The following APBB2 variants were observed in gnomAD, a reference collection of about 807,000 sequenced individuals.
The protein encoded by APBB2 is Fe65-like 1.
A neutral mutation model predicts 82.5 loss-of-function variants in APBB2; 38 were observed. The observed-to-expected ratio is 0.46, with a 90% CI of 0.36 to 0.60. APBB2 has a LOEUF of 0.60. APBB2 is among the 20% of genes least tolerant of loss of function. APBB2 has a pLI of 0.00. For synonymous variants in APBB2, 341 were observed against 368.2 expected (o/e 0.93, Z 0.85); for missense variants, 772 against 972.3 (o/e 0.79, Z 2.74).
chr4:41,078,586 T>A (rs1228398962), intron 3 of APBB2, among the ~76,000 whole-genome samples: 1 of 152,232 alleles, frequency 6.6e-6, no homozygotes, highest in Admixed American at 6.5e-5. Flanking sequence ...AGAGGTCAAA[T>A]ATGCCTAAAT....
rs371607683 is a variant in APBB2, at chr4:40,960,446, G to GTTTTTTTTTTTTTTTTTTTTTTTTTTT, written c.836-15374_836-15373insAAAAAAAAAAAAAAAAAAAAAAAAAAA. On this transcript the variant is annotated intron_variant, in intron 6 of 17. Transcript: ENST00000508593. Reference sequence around the variant, plus strand: ...CATCAAAAACAGAAATTTTTTTTCGGGTTTTTTTTTTTTTTTTTTGAGACG... The same window carrying GTTTTTTTTTTTTTTTTTTTTTTTTTTT: ...CATCAAAAACAGAAATTTTTTTTCGGTTTTTTTTTTTTTTTTTTTTTTTTTTTGTTTTTTTTTTTTTTTTTTGAGACG... 1.7e-5 allele frequency among the ~76,000 whole-genome samples: 2 copies of GTTTTTTTTTTTTTTTTTTTTTTTTTTT among 120,544 alleles called. 1 individual carries two copies. 79.1% of individuals were successfully genotyped at this position (120,544 alleles called of 152,430 possible).
chr4:41,104,625 C>T (rs1399793065), intron 2 of APBB2, among the ~76,000 whole-genome samples: 1 of 152,136 alleles, frequency 6.6e-6, no homozygotes, highest in African/African-American at 2.4e-5. Flanking sequence ...TTGCAATCCT[C>T]ACCCTCCTCC....
chr4:40,825,838 G>T, intron 15 of APBB2, 49 bp downstream of exon 15: 1 of 1,514,658 alleles, frequency 6.6e-7, no homozygotes, highest in South Asian at 1.1e-5. Flanking sequence ...CGCCTCCTGT[G>T]AGCTCCCGCA....
intron 5 of APBB2, among the ~76,000 whole-genome samples, chr4:41,029,913 T>C (rs1716022335): frequency 6.6e-6 from 1 of 151,932 alleles, no homozygotes. Context: ...TCCTAGCACT[T>C]TGGGAGGCTG....
At chr4:40,917,820 A>G (rs1297428247) in intron 10 of APBB2, among the ~76,000 whole-genome samples, 1 of 152,230 alleles carries the variant, frequency 6.6e-6, no homozygotes, top group Non-Finnish European at 1.5e-5. Flanking sequence ...AAGAGATGTT[A>G]AAACAAGGAA....
intron 12 of APBB2, among the ~76,000 whole-genome samples, chr4:40,882,297 C>T (rs369046278): frequency 3.2e-4 from 49 of 152,274 alleles, no homozygotes; most frequent in East Asian, 1.5e-3. Context: ...AACATAGAAG[C>T]TTCACGGAGG....
At chr4:41,129,890 T>A (rs996136854) in intron 2 of APBB2, among the ~76,000 whole-genome samples, 2 of 152,090 alleles carry the variant, frequency 1.3e-5, no homozygotes, top group African/African-American at 4.8e-5. Context: ...TATGCAGGTA[T>A]GTTAGAAGGG....
Position 40,847,521 on chromosome 4 carries a change from G to A in APBB2, c.1530-16944C>T, listed in dbSNP as rs184028921. 5.0e-3 allele frequency among the ~76,000 whole-genome samples: 766 copies of A among 152,272 alleles called. 2 individuals are homozygous for A. The highest frequency in any genetic ancestry group is 8.2e-3 in the Non-Finnish European group (556 of 68,014). On this transcript the variant is annotated intron_variant, in intron 12 of 17. Coordinates refer to ENST00000508593, the MANE Select transcript of APBB2 (RefSeq NM_004307.2). ...AAGGCTCCTATCTGACAAAGCACAGGAACGCATAAGGATTTAGAACTGATT... is the reference window on the plus strand; with the variant it reads ...AAGGCTCCTATCTGACAAAGCACAGAAACGCATAAGGATTTAGAACTGATT...
chr4:41,099,011 A>G (rs1024650863), intron 3 of APBB2, among the ~76,000 whole-genome samples: 6 of 152,316 alleles, frequency 3.9e-5, no homozygotes, highest in African/African-American at 1.2e-4. Flanking sequence ...AATTCAACCT[A>G]CAAATTTCTA....
intron 12 of APBB2, among the ~76,000 whole-genome samples, chr4:40,878,292 C>T (rs116334928): frequency 0.012 from 1,838 of 152,122 alleles, 45 homozygotes; most frequent in African/African-American, 0.042. Flanking sequence ...GGTGAGTTGA[C>T]ATCTTGCCAC....
chr4:41,067,933 G>T (rs1732506468), intron 3 of APBB2, among the ~76,000 whole-genome samples: 1 of 152,148 alleles, frequency 6.6e-6, no homozygotes, highest in Non-Finnish European at 1.5e-5. Context: ...CTCAGTTCAG[G>T]GGGAGAGGCT....
chr4:41,108,509 C>T (rs1033111792), intron 2 of APBB2, among the ~76,000 whole-genome samples: 1 of 152,174 alleles, frequency 6.6e-6, no homozygotes, highest in Non-Finnish European at 1.5e-5. Flanking sequence ...GTTCAGTTCT[C>T]CTCTACCCAA....
At position 40,832,988 on chromosome 4, in the gene APBB2, C is replaced by T. The variant is rs1435988682; in HGVS notation, c.1530-2411G>A. 6.6e-6 allele frequency among the ~76,000 whole-genome samples: 1 copy of T among 152,140 alleles called. No individual in the cohort carries two copies. The highest frequency in any genetic ancestry group is 2.4e-5 in the African/African-American group (1 of 41,434). On this transcript the variant is annotated intron_variant, in intron 12 of 17. Coordinates refer to ENST00000508593, the MANE Select transcript of APBB2 (RefSeq NM_004307.2). This position sits in a 1 kb window ranked among gnomAD's most constrained non-coding sequence, Gnocchi z 4.8. ...GTTGGGGCAAGTCACTGGGCCGAGA[C>T]TTTGAGGGGTGAGCACAGTCTTCTC...
chr4:40,884,371 C>T (rs1245455453), intron 12 of APBB2, among the ~76,000 whole-genome samples: 2 of 152,166 alleles, frequency 1.3e-5, no homozygotes, highest in African/African-American at 2.4e-5. Flanking sequence ...CCTCAGGATC[C>T]CTGAACTCCT....
intron 7 of APBB2, among the ~76,000 whole-genome samples, chr4:40,939,805 G>C (rs1004835099): frequency 9.9e-5 from 15 of 152,024 alleles, no homozygotes; most frequent in African/African-American, 3.4e-4. Flanking sequence ...CAAGCCATCT[G>C]CCCACCCTAT....
At chr4:40,893,150 G>T in intron 11 of APBB2, 115 bp downstream of exon 11, 2 of 1,278,964 alleles carry the variant, frequency 1.6e-6, no homozygotes, top group Non-Finnish European at 2.2e-6. Flanking sequence ...ATGGGAAAAG[G>T]CACCTGATGA....
At chr4:41,114,311 G>GGAA in intron 2 of APBB2, among the ~76,000 whole-genome samples, 1 of 152,246 alleles carries the variant, frequency 6.6e-6, no homozygotes, top group Admixed American at 6.5e-5. Flanking sequence ...AGGTATTGAT[G>GGAA]GAACGTATTT....
intron 12 of APBB2, among the ~76,000 whole-genome samples, chr4:40,836,683 G>C (rs1754073552): frequency 6.6e-6 from 1 of 152,176 alleles, no homozygotes; most frequent in Admixed American, 6.5e-5. Flanking sequence ...AAGGGGTAGA[G>C]AGCTTTCCAG....
chr4:41,132,631 T>C (rs1756380203), intron 2 of APBB2, among the ~76,000 whole-genome samples: 2 of 152,220 alleles, frequency 1.3e-5, no homozygotes, highest in African/African-American at 2.4e-5. Flanking sequence ...TTCAGCAAGA[T>C]TGAATTCATT....
Sources: allele counts gnomAD v4.1 joint callset (sites outside exome capture counted in the v4.1 genomes callset), GRCh38; gene constraint gnomAD v4.1.1; non-coding constraint Gnocchi (gnomAD v3.1); transcripts MANE v1.5; gene names NCBI Gene and HGNC (gene_info 2026-07-23, HGNC 2026-07-21).